MAD1L1: variants seen among roughly 807,000 people sequenced by gnomAD.
MAD1L1 encodes the protein mitotic arrest deficient 1 like 1.
In MAD1L1, 95 loss-of-function variants were observed where a neutral mutation model predicts 96.9. The ratio of observed to expected loss-of-function variants is 0.98; its 90% CI spans 0.83 to 1.16. The LOEUF (loss-of-function observed/expected upper bound fraction) is 1.16, where lower values mean the gene tolerates loss of function less well. Among genes scored for constraint, MAD1L1 ranks in the 50% most tolerant of loss-of-function variants. The pLI is 0.00. For synonymous variants in MAD1L1, 473 were observed against 396.6 expected, an observed-to-expected ratio of 1.19 and a Z score of -2.29; for missense variants, 1,007 against 954.4, an observed-to-expected ratio of 1.06 and a Z score of -0.73.
chr7:2,094,106 G>C (rs893950533), intron 11 of MAD1L1, among the ~76,000 whole-genome samples: 1 of 152,222 alleles, frequency 6.6e-6, no homozygotes, highest in Non-Finnish European at 1.5e-5. Flanking sequence ...GGGAGCACAC[G>C]CCCAGCCATG....
At chr7:2,164,021 C>A (rs1790297613) in intron 10 of MAD1L1, among the ~76,000 whole-genome samples, 1 of 152,158 alleles carries the variant, frequency 6.6e-6, no homozygotes, top group South Asian at 2.1e-4. Context: ...TGACTCTGAG[C>A]TCTCCAAACC....
intron 5 of MAD1L1, among the ~76,000 whole-genome samples, chr7:2,221,404 G>T (rs1169143407): frequency 6.6e-6 from 1 of 152,086 alleles, no homozygotes; most frequent in Admixed American, 6.6e-5. Context: ...AAGCAGATAG[G>T]GGAACAGCCT....
intron 12 of MAD1L1, among the ~76,000 whole-genome samples, chr7:2,024,739 C>A (rs145193203): frequency 8.5e-5 from 13 of 152,176 alleles, no homozygotes; most frequent in Non-Finnish European, 1.8e-4. Context: ...GTCACTTTGG[C>A]GACGACCCCA....
chr7:1,980,897 G>A (rs1029104740), intron 14 of MAD1L1: 26 of 390,150 alleles, frequency 6.7e-5, no homozygotes, highest in East Asian at 4.0e-4. Flanking sequence ...ACAAGCCGTC[G>A]TTTATTCCGC....
chr7:2,004,193 GGGACGACAACAA>G (rs1781927830), intron 13 of MAD1L1, among the ~76,000 whole-genome samples: 1 of 152,180 alleles, frequency 6.6e-6, no homozygotes, highest in African/African-American at 2.4e-5. Context: ...CCAAACAGGG[GGGACGACAACAA>G]GGCTCTGAGG....
At chr7:2,041,393 C>T (rs1439032264) in intron 12 of MAD1L1, among the ~76,000 whole-genome samples, 1 of 152,148 alleles carries the variant, frequency 6.6e-6, no homozygotes, top group Non-Finnish European at 1.5e-5. Context: ...GGAGCAGGAG[C>T]CCATCCCTGC....
chr7:1,915,175 A>G (rs953346727), intron 17 of MAD1L1, among the ~76,000 whole-genome samples: 6 of 152,214 alleles, frequency 3.9e-5, no homozygotes, highest in African/African-American at 1.4e-4. Flanking sequence ...CCCTGAGGAC[A>G]CAGTGTGTAT....
At chr7:2,221,148 A>C in intron 5 of MAD1L1, 1 of 840,954 alleles carries the variant, frequency 1.2e-6, no homozygotes, top group Non-Finnish European at 1.8e-6. Context: ...TCCCCTCACT[A>C]TGCCCCACCC....
intron 14 of MAD1L1, among the ~76,000 whole-genome samples, chr7:2,000,435 G>A (rs1030131459): frequency 9.2e-5 from 14 of 152,076 alleles, no homozygotes; most frequent in African/African-American, 2.4e-4. Context: ...CAGCCCTGCC[G>A]TGACCACACA....
At chr7:1,998,138 G>T (rs981364130) in intron 14 of MAD1L1, among the ~76,000 whole-genome samples, 1 of 152,168 alleles carries the variant, frequency 6.6e-6, no homozygotes, top group Non-Finnish European at 1.5e-5. Flanking sequence ...TGCACCAAGC[G>T]CACCTCACAG....
At chr7:2,143,610 C>A (rs1789150517) in intron 11 of MAD1L1, among the ~76,000 whole-genome samples, 1 of 151,938 alleles carries the variant, frequency 6.6e-6, no homozygotes, top group Non-Finnish European at 1.5e-5. Context: ...GGGCCTGACT[C>A]CTCCTGACGC....
At chr7:2,087,556 A>C (rs998349553) in intron 11 of MAD1L1, among the ~76,000 whole-genome samples, 1 of 152,150 alleles carries the variant, frequency 6.6e-6, no homozygotes, top group African/African-American at 2.4e-5. Context: ...AATATTATTA[A>C]TACTACTACT....
chr7:1,881,151 T>C (rs1785657132), intron 18 of MAD1L1, among the ~76,000 whole-genome samples: 1 of 152,206 alleles, frequency 6.6e-6, no homozygotes, highest in South Asian at 2.1e-4. Flanking sequence ...AGTCTCAGAA[T>C]TACACGAGAT....
In MAD1L1 at chr7:1,951,956, G is replaced by A. The variant is rs141294345; in HGVS notation, c.1596+5673C>T. 5.8e-3 allele frequency among the ~76,000 whole-genome samples: 881 copies of A among 152,216 alleles called. 3 individuals are homozygous for A. The highest frequency in any genetic ancestry group is 8.0e-3 in the Non-Finnish European group (541 of 68,006). ...TGGTTCTTCTGGGCATGTACGCAGC[G>A]GTGGACTTGCTGGTCAGTGTGGTGA... On this transcript the variant is annotated intron_variant, in intron 16 of 18. Transcript: ENST00000265854.
intron 11 of MAD1L1, among the ~76,000 whole-genome samples, chr7:2,139,100 C>A (rs1308820128): frequency 2.6e-5 from 4 of 152,122 alleles, no homozygotes; most frequent in Admixed American, 6.5e-5. Flanking sequence ...GCAGGCGAGG[C>A]TGCCTCAGCC....
intron 11 of MAD1L1, among the ~76,000 whole-genome samples, chr7:2,122,639 C>CA (rs540336869): frequency 2.4e-4 from 36 of 152,166 alleles, no homozygotes; most frequent in African/African-American, 7.0e-4. Context: ...CCCAGAATCA[C>CA]AAACCAGGGA....
chr7:2,219,308 AC>A, intron 6 of MAD1L1, 23 bp downstream of exon 6: 1 of 1,536,248 alleles, frequency 6.5e-7, no homozygotes, highest in Non-Finnish European at 8.7e-7. Flanking sequence ...CCGACCCCCG[AC>A]CCCACACCCT....
rs145956704 is a variant in MAD1L1, at chr7:2,119,111, G to A, written c.1073+30041C>T. Among the ~76,000 whole-genome samples the A allele has an allele frequency of 8.5e-5, 13 of 152,184 alleles. No homozygotes were observed. In the East Asian group the frequency reaches 1.4e-3, roughly 16 times the overall value. On this transcript the variant is annotated intron_variant, in intron 11 of 18. Transcript: ENST00000265854. This position sits in a 1 kb window ranked among gnomAD's most constrained non-coding sequence, Gnocchi z 4.6. ...CAGGGCTTCAGGGTGACTGCTGCCC[G>A]GTGCTCTTGGTGAAGCCGTGTTTCC... is the stretch of plus-strand genomic sequence containing the variant.
intron 11 of MAD1L1, among the ~76,000 whole-genome samples, chr7:2,136,334 G>A (rs1164799538): frequency 1.3e-5 from 2 of 152,204 alleles, no homozygotes; most frequent in African/African-American, 2.4e-5. Flanking sequence ...GCAGACTCCA[G>A]GCTGAGTGGC....
Sources: allele counts gnomAD v4.1 joint callset (sites outside exome capture counted in the v4.1 genomes callset), GRCh38; gene constraint gnomAD v4.1.1; non-coding constraint Gnocchi (gnomAD v3.1); transcripts MANE v1.5; gene names NCBI Gene and HGNC (gene_info 2026-07-23, HGNC 2026-07-21).